DMD: variants seen among roughly 807,000 people sequenced by gnomAD.
DMD encodes mutant dystrophin.
DMD carries 63 observed loss-of-function variants against 330.1 expected under a neutral mutation model. That is an observed-to-expected ratio of 0.19 (90% confidence interval 0.16 to 0.24). The LOEUF (loss-of-function observed/expected upper bound fraction) is 0.24. Among genes scored for constraint, DMD ranks in the 10% least tolerant of loss-of-function variants. The pLI, the probability that DMD is intolerant of heterozygous loss-of-function variation, is 1.00. For missense variants in DMD, 3,344 were observed against 2,684.1 expected (o/e 1.25, Z -5.43); for synonymous variants, 1,223 against 959.8 (o/e 1.27, Z -5.07).
At chrX:32,453,801 A>G (rs1233948696) in intron 26 of DMD, among the ~76,000 whole-genome samples, 6 of 111,009 alleles carry the variant, frequency 5.4e-5, no homozygotes, top group African/African-American at 2.0e-4. Flanking sequence ...CTGGCTCCAC[A>G]TTGATTTTTC....
At chrX:32,327,541 G>A (rs970569722) in intron 41 of DMD, among the ~76,000 whole-genome samples, 10 of 111,410 alleles carry the variant, frequency 9.0e-5, no homozygotes, top group African/African-American at 2.3e-4. Context: ...AATAGTCACT[G>A]AAGAAAACCA....
At chrX:32,129,978 CTTT>C (rs756669672) in intron 44 of DMD, among the ~76,000 whole-genome samples, 20 of 89,526 alleles carry the variant, frequency 2.2e-4, no homozygotes, top group Non-Finnish European at 2.0e-4. Context: ...TTTTCAAAGA[CTTT>C]TTTTTTTTTT....
intron 1 of DMD, among the ~76,000 whole-genome samples, chrX:33,048,343 A>T (rs1045434755): frequency 9.9e-5 from 11 of 111,456 alleles, no homozygotes; most frequent in African/African-American, 3.6e-4. Flanking sequence ...CAACACAATC[A>T]TGTGTCACAA....
rs1044492224 is a variant in DMD, at chrX:32,578,881, T to A, written c.1603-5035A>T. Among the ~76,000 whole-genome samples, 3 of 111,752 alleles carry A rather than the reference T, an allele frequency of 2.7e-5. No individual in the cohort carries two copies. In the East Asian group the frequency reaches 8.4e-4, roughly 31 times the overall value. On this transcript the variant is annotated intron_variant, in intron 13 of 78. Transcript: ENST00000357033. ...ACAACCCATCTTATTTTATTGCAGGTTAAGACCCTATAATACACTTCTCTG... is the reference window on the plus strand; with the variant it reads ...ACAACCCATCTTATTTTATTGCAGGATAAGACCCTATAATACACTTCTCTG...
Position 32,302,252 on chromosome X carries a change from C to T in DMD, c.6117+7830G>A, listed in dbSNP as rs766655875. Among the ~76,000 whole-genome samples the T allele has an allele frequency of 6.3e-5, 7 of 111,053 alleles. No individual in the cohort carries two copies. The South Asian group carries it at 1.5e-3, about 23-fold the overall frequency. On this transcript the variant is annotated intron_variant, in intron 42 of 78. Coordinates refer to ENST00000357033, the MANE Select transcript of DMD (RefSeq NM_004006.3). The stretch of plus-strand genomic sequence containing the variant: ...ATAGGTCTTGTGTTCTATGACTTTG[C>T]GCAACTGTAGGTTAACATAGGTGTT...
chrX:31,974,658 G>A (rs2095423379), intron 44 of DMD, among the ~76,000 whole-genome samples: 1 of 109,882 alleles, frequency 9.1e-6, no homozygotes, highest in Admixed American at 9.7e-5. Context: ...TTCCTGTGAG[G>A]TATAATAGTA....
intron 1 of DMD, among the ~76,000 whole-genome samples, chrX:33,294,595 T>C (rs2053558911): frequency 1.8e-5 from 2 of 110,606 alleles, no homozygotes; most frequent in Admixed American, 1.9e-4. Context: ...CTTATATTTA[T>C]TAAGTTTAAT....
intron 2 of DMD, among the ~76,000 whole-genome samples, chrX:32,965,997 A>G (rs1226353968): frequency 8.9e-6 from 1 of 112,075 alleles, no homozygotes; most frequent in Non-Finnish European, 1.9e-5. Context: ...ACCATCATTT[A>G]TACTTCTGTA....
chrX:32,993,683 T>C (rs2093039096), intron 2 of DMD, among the ~76,000 whole-genome samples: 1 of 111,268 alleles, frequency 9.0e-6, no homozygotes, highest in Admixed American at 9.6e-5. Flanking sequence ...TGCCACCTTT[T>C]ATAAAACTTT....
chrX:31,734,454 C>T (rs969404251), intron 51 of DMD, among the ~76,000 whole-genome samples: 8 of 111,281 alleles, frequency 7.2e-5, no homozygotes, highest in East Asian at 5.6e-4. Flanking sequence ...TTTTTATTTC[C>T]TGGTCTGGTC....
At chrX:31,224,557 C>A (rs1232254255) in intron 63 of DMD, among the ~76,000 whole-genome samples, 1 of 111,806 alleles carries the variant, frequency 8.9e-6, no homozygotes, top group Non-Finnish European at 1.9e-5. Context: ...TGGGAATGTA[C>A]GACAACTTTG....
chrX:31,668,679 CA>C (rs2081571671), intron 53 of DMD, among the ~76,000 whole-genome samples: 1 of 110,874 alleles, frequency 9.0e-6, no homozygotes, highest in Non-Finnish European at 1.9e-5. Flanking sequence ...TAACTATGGT[CA>C]CCAGGTTGTG....
intron 7 of DMD, among the ~76,000 whole-genome samples, chrX:32,748,520 A>G (rs1458698805): frequency 1.8e-5 from 2 of 111,425 alleles, no homozygotes; most frequent in Admixed American, 9.6e-5. Context: ...GATTTTAATA[A>G]TTACATCTAC....
intron 9 of DMD, among the ~76,000 whole-genome samples, chrX:32,679,320 G>T (rs1488007568): frequency 9.1e-6 from 1 of 109,673 alleles, no homozygotes; most frequent in Non-Finnish European, 1.9e-5. Context: ...ATAGAAAATA[G>T]TAACAACGAG....
intron 61 of DMD, among the ~76,000 whole-genome samples, chrX:31,323,908 C>G (rs920048291): frequency 9.0e-6 from 1 of 110,815 alleles, no homozygotes; most frequent in Non-Finnish European, 1.9e-5. Flanking sequence ...ACTGCTAAAC[C>G]TATAGAACAG....
intron 30 of DMD, among the ~76,000 whole-genome samples, chrX:32,403,709 T>C (rs191458027): frequency 1.8e-3 from 205 of 112,128 alleles, no homozygotes; most frequent in Non-Finnish European, 2.9e-3. Flanking sequence ...CTTTCAATGT[T>C]AGAACAGATT....
intron 21 of DMD, among the ~76,000 whole-genome samples, chrX:32,475,651 G>T (rs1000578189): frequency 3.6e-5 from 4 of 111,020 alleles, no homozygotes; most frequent in African/African-American, 9.8e-5. Flanking sequence ...TGTAAAAGGG[G>T]TTGAGTTCTT....
chrX:32,954,512 T>C, intron 2 of DMD, among the ~76,000 whole-genome samples: 2 of 112,172 alleles, frequency 1.8e-5, no homozygotes, highest in South Asian at 7.5e-4. Flanking sequence ...AGTTCCTAGT[T>C]TGTCCACCAA....
intron 42 of DMD, among the ~76,000 whole-genome samples, chrX:32,303,957 G>A (rs1243584006): frequency 9.0e-6 from 1 of 111,018 alleles, no homozygotes; most frequent in African/African-American, 3.3e-5. Flanking sequence ...TCCAAAAAAA[G>A]TTAAAAAGTT....
Sources: gnomAD v4.1 joint callset for allele counts (sites outside exome capture counted in the v4.1 genomes callset) on GRCh38, gnomAD v4.1.1 for gene constraint, MANE v1.5 for transcripts, NCBI Gene and HGNC (gene_info 2026-07-23, HGNC 2026-07-21) for gene names.